The following MMP8 variants were observed in gnomAD, a reference collection of about 807,000 sequenced individuals.
MMP8 encodes the protein neutrophil collagenase.
A neutral mutation model predicts 51.2 loss-of-function variants in MMP8; 67 were observed. The observed-to-expected ratio is 1.31, with a 90% CI of 1.08 to 1.60. The LOEUF is 1.60. MMP8 is among the 40% of genes most tolerant of loss of function. The pLI is 0.00. For synonymous variants in MMP8, 225 were observed against 191.0 expected (o/e 1.18, Z -1.47); for missense variants, 654 against 558.1 (o/e 1.17, Z -1.73).
At chr11:102,714,122 T>G (rs1468174995) in intron 8 of MMP8, among the ~76,000 whole-genome samples, 1 of 152,186 alleles carries the variant, frequency 6.6e-6, no homozygotes, top group East Asian at 1.9e-4. Context: ...TTTTCAAGGC[T>G]TTTACTTAAT....
In MMP8 at chr11:102,721,781, T is replaced by C; in HGVS notation, c.348-19A>G. ...TCGAATCCTTCAAAATGAGAGGATGTATGAAGAGTTAAATGTTATTTAGAA... is the reference window on the plus strand; with the variant it reads ...TCGAATCCTTCAAAATGAGAGGATGCATGAAGAGTTAAATGTTATTTAGAA... On this transcript the variant is annotated intron_variant, in intron 2 of 9. Coordinates refer to ENST00000236826, the MANE Select transcript of MMP8 (RefSeq NM_002424.3). 6.2e-7 allele frequency: 1 copy of C among 1,612,506 alleles called. No homozygotes were observed. The highest frequency in any genetic ancestry group is 1.1e-5 in the South Asian group (1 of 90,974).
At chr11:102,715,489 T>C (rs1162425590) in intron 6 of MMP8, 52 bp from the exon 7 acceptor site, 3 of 1,564,598 alleles carry the variant, frequency 1.9e-6, no homozygotes, top group Admixed American at 3.9e-5. Flanking sequence ...ACAGTCTAAG[T>C]AGGCAGTTCC....
At chr11:102,723,742 C>G (rs917541982) in intron 1 of MMP8, 32 of 284,954 alleles carry the variant, frequency 1.1e-4, no homozygotes, top group African/African-American at 6.9e-4. Flanking sequence ...GACCTAAGTA[C>G]TTCTTAAAGG....
At position 102,721,643 on chromosome 11, in the gene MMP8, G is replaced by C; in HGVS notation, c.467C>G (p.Ala156Gly). 6.2e-7 allele frequency: 1 copy of C among 1,613,826 alleles called. No individual in the cohort carries two copies. The highest frequency in any genetic ancestry group is 8.5e-7 in the Non-Finnish European group (1 of 1,179,842). The change falls in exon 3 of 10, where the codon GCA becomes GGA. Residue 156 changes from alanine to glycine, a missense_variant. Ala to Gly is a moderately conservative substitution (Grantham distance 60, BLOSUM62 0). Transcript: ENST00000236826. Reference protein sequence around the residue: ...LIFTRISQGEADINIAFYQRD... With the variant: ...LIFTRISQGEGDINIAFYQRD... ...TTGGTAAAAAGCAATGTTGATATCT[G>C]CCTCTCCCTGTGAGATCCTGGTGAA...
Position 102,716,402 on chromosome 11 carries a change from T to C in MMP8, c.802A>G (p.Ile268Val). The C allele has an allele frequency of 1.4e-6, 2 of 1,442,222 alleles. No homozygotes were observed. Among genetic ancestry groups the C allele is most frequent in the East Asian group, 2.5e-5 (1 of 40,334 alleles). The allele number at this position is 1,442,222 out of a possible 1,614,324, so 89.3% of individuals were successfully genotyped here. ...GGTGTGCTTGGTCCAGTAGGTTGGA[T>C]AGGGTTGCTTGAAAGTCCTGGAAAA... Reference protein sequence around the residue: ...QAIYGLSSNPIQPTGPSTPKP... With the variant: ...QAIYGLSSNPVQPTGPSTPKP... The change falls in exon 6 of 10, where the codon ATC becomes GTC. Residue 268 changes from isoleucine to valine, a missense_variant. Transcript: ENST00000236826.
intron 5 of MMP8, 25 bp from the exon 6 acceptor site, chr11:102,716,444 A>G (rs1410518409): frequency 2.2e-6 from 3 of 1,381,546 alleles, no homozygotes; most frequent in East Asian, 2.4e-5. Context: ...AAAAAAAAAA[A>G]AAAGGTCTTT....
Position 102,724,679 on chromosome 11 carries a change from TAAC to T in MMP8, c.102+72_102+74del, listed in dbSNP as rs1261694182. ...ATAATTTCTTTCAGGCTGTTTTAAT[TAAC>T]AAGAGAAAACAACCCACACTATTTC... On this transcript the variant is annotated intron_variant, in intron 1 of 9. Transcript: ENST00000236826. 6.4e-5 allele frequency: 83 copies of T among 1,302,846 alleles called. No individual in the cohort carries two copies. The East Asian group carries it at 2.0e-3, about 32-fold the overall frequency. 80.7% of individuals were successfully genotyped at this position (1,302,846 alleles called of 1,614,324 possible).
At chr11:102,716,468 G>A in intron 5 of MMP8, 49 bp from the exon 6 acceptor site, 1 of 1,165,654 alleles carries the variant, frequency 8.6e-7, no homozygotes, top group Non-Finnish European at 1.2e-6. Context: ...ATGAGAGTAA[G>A]TCCGGTGTGA....
At chr11:102,714,017 A>G (rs2134292194) in intron 8 of MMP8, among the ~76,000 whole-genome samples, 160 bp from the exon 9 acceptor site, 1 of 152,316 alleles carries the variant, frequency 6.6e-6, no homozygotes, top group Non-Finnish European at 1.5e-5. Flanking sequence ...TAATTTCTCT[A>G]CCTAAGGGTA....
At chr11:102,716,166 A>T in intron 6 of MMP8, 136 bp downstream of exon 6, 1 of 609,858 alleles carries the variant, frequency 1.6e-6, no homozygotes, top group Non-Finnish European at 2.9e-6. Context: ...GGTGCCCCAG[A>T]ACCTATAAAA....
In MMP8 at chr11:102,721,693, G is replaced by T. The variant is rs137960668; in HGVS notation, c.417C>A (p.Leu139=). ...VERAIKDAFE[L]WSVASPLIFT... is the part of the protein sequence containing the mutation. ...AGATGAGAGGTGATGCAACACTCCA[G>T]AGTTCAAAGGCATCCTTGATAGCTC... is the stretch of plus-strand genomic sequence containing the variant. The change falls in exon 3 of 10, where the codon CTC becomes CTA. Residue 139 remains leucine, a synonymous_variant. Coordinates refer to ENST00000236826, the MANE Select transcript of MMP8 (RefSeq NM_002424.3). 3.3e-4 allele frequency: 534 copies of T among 1,613,764 alleles called. No individual in the cohort carries two copies. Among genetic ancestry groups the T allele is most frequent in the Non-Finnish European group, 4.3e-4 (511 of 1,179,866 alleles).
chr11:102,713,881 G>A (rs770292048), intron 8 of MMP8, 24 bp from the exon 9 acceptor site: 32 of 1,552,628 alleles, frequency 2.1e-5, no homozygotes, highest in African/African-American at 9.7e-5. Flanking sequence ...AATGTTATCC[G>A]ATTTAACACC....
intron 5 of MMP8, among the ~76,000 whole-genome samples, chr11:102,716,676 G>A (rs1861308554): frequency 6.6e-6 from 1 of 152,070 alleles, no homozygotes; most frequent in Admixed American, 6.6e-5. Flanking sequence ...TGAATTCTAT[G>A]CTCCTTCCTT....
At chr11:102,718,002 G>A (rs537611622) in intron 5 of MMP8, among the ~76,000 whole-genome samples, 1 of 152,252 alleles carries the variant, frequency 6.6e-6, no homozygotes, top group East Asian at 1.9e-4. Context: ...AGCTACTTGA[G>A]AGGCTGAGGC....
rs1861142170 is a variant in MMP8 at position 102,712,163 on chromosome 11, A to G, written c.*1185T>C. ...TTTATGCAGCTAACCCAAGTTATCT[A>G]TAGTGTGTGCCCTCCTGAGTACCCC... is the stretch of plus-strand genomic sequence containing the variant. On this transcript the variant is annotated 3_prime_UTR_variant, in exon 10 of 10. Coordinates refer to ENST00000236826, the MANE Select transcript of MMP8 (RefSeq NM_002424.3). 6.6e-6 allele frequency: 1 copy of G among 152,182 alleles called. No individual in the cohort carries two copies. Among genetic ancestry groups the G allele is most frequent in the Non-Finnish European group, 1.5e-5 (1 of 68,024 alleles). 9.4% of individuals were successfully genotyped at this position (152,182 alleles called of 1,614,324 possible). A position where few individuals can be genotyped will look rare whatever the true frequency, so the allele number is the denominator to read the frequency against.
At chr11:102,716,019 T>C (rs927993627) in intron 6 of MMP8, among the ~76,000 whole-genome samples, 1 of 152,140 alleles carries the variant, frequency 6.6e-6, no homozygotes, top group African/African-American at 2.4e-5. Context: ...TTCATGTTTT[T>C]TTTTTCTCCT....
intron 9 of MMP8, 106 bp downstream of exon 9, chr11:102,713,648 T>A (rs1023421339): frequency 8.1e-6 from 9 of 1,110,136 alleles, no homozygotes; most frequent in Non-Finnish European, 9.2e-6. Context: ...GGAGGATTGC[T>A]TGAGGCCAGG....
Position 102,714,603 on chromosome 11 carries a change from A to G in MMP8, c.1143T>C (p.Val381=). 1 of 1,521,122 alleles carries G rather than the reference A, an allele frequency of 6.6e-7. No homozygotes were observed. The highest frequency in any genetic ancestry group is 1.4e-5 in the African/African-American group (1 of 70,090). The allele number at this position is 1,521,122 out of a possible 1,614,324, so 94.2% of individuals were successfully genotyped here. A position where few individuals can be genotyped will look rare whatever the true frequency, so the allele number is the denominator to read the frequency against. ...PSSVQAIDAA[V]FYRSKTYFFV... is the part of the protein sequence containing the mutation. Reference sequence around the variant, plus strand: ...AGAAGTATGTTTTACTTCTGTAGAAAACAGCTGCGTCAATTGCTTGGACGC... The same window carrying G: ...AGAAGTATGTTTTACTTCTGTAGAAGACAGCTGCGTCAATTGCTTGGACGC... Residue 381 remains valine (V), a synonymous_variant, in exon 8 of 10, where the codon GTT becomes GTC. Transcript: ENST00000236826.
chr11:102,716,452 T>G, intron 5 of MMP8, 33 bp from the exon 6 acceptor site: 1 of 1,275,050 alleles, frequency 7.8e-7, no homozygotes, highest in South Asian at 1.3e-5. Context: ...AAAAAAGGTC[T>G]TTCTTATGAG....
Sources: allele counts gnomAD v4.1 joint callset (sites outside exome capture counted in the v4.1 genomes callset), GRCh38; gene constraint gnomAD v4.1.1; transcripts MANE v1.5; gene names NCBI Gene and HGNC (gene_info 2026-07-23, HGNC 2026-07-21).